The following KLHL1 variants were observed in gnomAD, a reference collection of about 807,000 sequenced individuals.
KLHL1 encodes the protein kelch-like protein 1.
KLHL1 carries 47 observed loss-of-function variants against 77.7 expected under a neutral mutation model. That is an observed-to-expected ratio of 0.60 (90% CI 0.48 to 0.77). The LOEUF is 0.77. Ranked by LOEUF, KLHL1 falls within the 30% of genes least tolerant of loss-of-function variation. The pLI is 0.00. For synonymous variants in KLHL1, 360 were observed against 325.2 expected (o/e 1.11, Z -1.15); for missense variants, 925 against 910.8 (o/e 1.02, Z -0.20).
intron 6 of KLHL1, among the ~76,000 whole-genome samples, chr13:69,835,166 T>C (rs1311591046): frequency 6.6e-6 from 1 of 152,020 alleles, no homozygotes; most frequent in Non-Finnish European, 1.5e-5. Flanking sequence ...TTATAGGACA[T>C]AAATCAAGTG....
chr13:69,937,631 T>G (rs1157637201), intron 4 of KLHL1, among the ~76,000 whole-genome samples: 1 of 152,126 alleles, frequency 6.6e-6, no homozygotes, highest in Non-Finnish European at 1.5e-5. Flanking sequence ...TGTTTCAGAA[T>G]TAATTTTACA....
intron 7 of KLHL1, among the ~76,000 whole-genome samples, chr13:69,761,624 A>G (rs577011461): frequency 6.6e-6 from 1 of 152,322 alleles, no homozygotes; most frequent in South Asian, 2.1e-4. Context: ...GAAATTGTTA[A>G]GATATGCCCT....
At chr13:69,951,879 T>A (rs539250166) in intron 3 of KLHL1, among the ~76,000 whole-genome samples, 3 of 151,548 alleles carry the variant, frequency 2.0e-5, no homozygotes, top group African/African-American at 4.8e-5. Context: ...GAACTGTAAG[T>A]GCAATAGTTA....
At chr13:70,048,522 A>G (rs758003612) in intron 1 of KLHL1, among the ~76,000 whole-genome samples, 9 of 152,168 alleles carry the variant, frequency 5.9e-5, no homozygotes, top group East Asian at 1.9e-4. Context: ...GCAGTCTCCA[A>G]ACTTTTTGAC....
intron 1 of KLHL1, among the ~76,000 whole-genome samples, chr13:70,025,946 G>A (rs1774786325): frequency 6.6e-6 from 1 of 151,992 alleles, no homozygotes; most frequent in African/African-American, 2.4e-5. Context: ...ATTGACTCAG[G>A]TGAAACATTT....
At chr13:69,748,740 C>G (rs1163760156) in intron 7 of KLHL1, among the ~76,000 whole-genome samples, 1 of 151,738 alleles carries the variant, frequency 6.6e-6, no homozygotes, top group Non-Finnish European at 1.5e-5. Flanking sequence ...AAATGATAAA[C>G]TTTTAATAAA....
chr13:69,972,888 C>T (rs1028114936), intron 2 of KLHL1, among the ~76,000 whole-genome samples: 4 of 151,808 alleles, frequency 2.6e-5, no homozygotes, highest in Admixed American at 6.6e-5. Context: ...CCTAATTTTC[C>T]TCATCTGAAT....
intron 6 of KLHL1, among the ~76,000 whole-genome samples, chr13:69,815,018 TAAATAAAATAAAATA>T (rs113801002): frequency 6.6e-6 from 1 of 151,262 alleles, no homozygotes. Context: ...TCTAAAAAAA[TAAATAAAATAAAATA>T]AAATAAAATA....
chr13:69,798,266 GT>G (rs1326885582), intron 6 of KLHL1, among the ~76,000 whole-genome samples: 2 of 152,090 alleles, frequency 1.3e-5, no homozygotes, highest in African/African-American at 2.4e-5. Context: ...TGTAATAAAA[GT>G]TTGCAAATCT....
In KLHL1 at chr13:69,716,405, G is replaced by GA. The variant is rs370711932; in HGVS notation, c.2015+2963dup. Among the ~76,000 whole-genome samples, 1,477 of 147,974 alleles carry GA rather than the reference G, an allele frequency of 1.0e-2. 13 individuals carry two copies. Among genetic ancestry groups the GA allele is most frequent in the African/African-American group, 0.026 (1,055 of 40,472 alleles). On this transcript the variant is annotated intron_variant, in intron 9 of 10. Coordinates refer to ENST00000377844, the MANE Select transcript of KLHL1 (RefSeq NM_020866.3). ...ATCAGCACATGGCACCTAGTTTAGT[G>GA]AAAAAAAAAATGATGTAGAAAGAGT...
chr13:69,780,421 A>G lies in KLHL1; in HGVS notation c.1639+16317T>C, dbSNP rs150478660. Among the ~76,000 whole-genome samples, 666 of 152,088 alleles carry G rather than the reference A, an allele frequency of 4.4e-3. 3 individuals carry two copies. Among genetic ancestry groups the G allele is most frequent in the African/African-American group, 0.015 (643 of 41,500 alleles). ...AGTAAGAAATGTGATTTCTTAAGTA[A>G]AAGAGACATGAAGAGGGCACACACA... On this transcript the variant is annotated intron_variant, in intron 7 of 10. Transcript: ENST00000377844.
At chr13:69,920,111 TTC>T (rs3072568) in intron 4 of KLHL1, among the ~76,000 whole-genome samples, 82,613 of 151,734 alleles carry the variant, frequency 0.54, 22,626 homozygotes, top group South Asian at 0.66. Flanking sequence ...ATTATTATAA[TTC>T]TCTGACTCAA....
chr13:69,922,855 T>C (rs2138267062), intron 4 of KLHL1, among the ~76,000 whole-genome samples: 1 of 152,320 alleles, frequency 6.6e-6, no homozygotes, highest in South Asian at 2.1e-4. Context: ...TGGGTAGTAC[T>C]TTCATGGAAA....
At chr13:70,078,295 T>C (rs796672621) in intron 1 of KLHL1, among the ~76,000 whole-genome samples, 29 of 152,198 alleles carry the variant, frequency 1.9e-4, no homozygotes, top group Admixed American at 5.9e-4. Flanking sequence ...TTCATATGCT[T>C]ATATTAAAAA....
intron 1 of KLHL1, among the ~76,000 whole-genome samples, chr13:70,073,395 C>G (rs1414420878): frequency 6.6e-6 from 1 of 152,014 alleles, no homozygotes; most frequent in African/African-American, 2.4e-5. Flanking sequence ...ACATCACACA[C>G]TAGGGCCTGT....
At position 69,814,738 on chromosome 13, in the gene KLHL1, C is replaced by T. The variant is rs571722040; in HGVS notation, c.1415-17776G>A. Among the ~76,000 whole-genome samples, 9 of 152,154 alleles carry T rather than the reference C, an allele frequency of 5.9e-5. No homozygotes were observed. In the South Asian group the frequency reaches 6.2e-4, roughly 11 times the overall value. ...TATTAAAAAGTCAAAAAAGGCTGGG[C>T]GTGGTAACTCATGCCTGTAATCCCA... On this transcript the variant is annotated intron_variant, in intron 6 of 10. Transcript: ENST00000377844.
chr13:70,056,368 C>G (rs561603926), intron 1 of KLHL1, among the ~76,000 whole-genome samples: 116 of 152,216 alleles, frequency 7.6e-4, no homozygotes, highest in African/African-American at 2.6e-3. Context: ...AAGAAAGAGA[C>G]AGACCCCAAT....
At chr13:69,994,820 A>C (rs144951866) in intron 1 of KLHL1, among the ~76,000 whole-genome samples, 1 of 152,060 alleles carries the variant, frequency 6.6e-6, no homozygotes, top group East Asian at 1.9e-4. Flanking sequence ...AAATTTTTTT[A>C]AAAAATACTA....
chr13:69,804,661 A>C (rs1877538565), intron 6 of KLHL1, among the ~76,000 whole-genome samples: 6 of 152,162 alleles, frequency 3.9e-5, no homozygotes, highest in Admixed American at 3.9e-4. Context: ...TGGCAGTGAG[A>C]AAATAACCAG....
Sources: allele counts gnomAD v4.1 joint callset (sites outside exome capture counted in the v4.1 genomes callset), GRCh38; gene constraint gnomAD v4.1.1; transcripts MANE v1.5; gene names NCBI Gene and HGNC (gene_info 2026-07-23, HGNC 2026-07-21).